KCNJ1: variants seen among roughly 807,000 people sequenced by gnomAD.
KCNJ1 encodes ATP-sensitive inward rectifier potassium channel 1.
In KCNJ1, 24 loss-of-function variants were observed where a neutral mutation model predicts 21.9. The observed-to-expected ratio is 1.10, with a 90% CI of 0.79 to 1.54. The LOEUF (loss-of-function observed/expected upper bound fraction) is 1.54, where lower values mean the gene tolerates loss of function less well. KCNJ1 is among the 40% of genes most tolerant of loss of function. The pLI, the probability that KCNJ1 is intolerant of heterozygous loss-of-function variation, is 0.00. For synonymous variants in KCNJ1, 152 were observed against 160.9 expected (o/e 0.94, Z 0.42); for missense variants, 457 against 455.4 (o/e 1.00, Z -0.03).
chr11:128,856,119 C>T (rs887010596), intron 1 of KCNJ1, among the ~76,000 whole-genome samples: 13 of 152,194 alleles, frequency 8.5e-5, no homozygotes, highest in African/African-American at 3.1e-4. Flanking sequence ...TTTCAAGGGG[C>T]CTGTCAGAAG....
intron 1 of KCNJ1, among the ~76,000 whole-genome samples, chr11:128,862,081 G>A (rs560551593): frequency 5.3e-5 from 8 of 152,236 alleles, no homozygotes; most frequent in African/African-American, 1.9e-4. Context: ...TTGCTGCAGT[G>A]CCATCCTCCC....
Position 128,839,813 on chromosome 11 carries a change from T to G in KCNJ1, c.431A>C (p.Gln144Pro), listed in dbSNP as rs1258984486. 1 of 1,614,098 alleles carries G rather than the reference T, an allele frequency of 6.2e-7. No homozygotes were observed. The highest frequency in any genetic ancestry group is 8.5e-7 in the Non-Finnish European group (1 of 1,180,008). Reference sequence around the variant, plus strand: ...ATTGATTATAACTCCAAGTATAGACTGAAAGATAAGCAGAAAAATGGCAGT... The same window carrying G: ...ATTGATTATAACTCCAAGTATAGACGGAAAGATAAGCAGAAAAATGGCAGT... ...CATAIFLLIFQSILGVIINSF... is the reference protein window; with the variant it reads ...CATAIFLLIFPSILGVIINSF... Residue 144 changes from glutamine (Q) to proline (P), a missense_variant, in exon 3 of 3, where the codon CAG becomes CCG. Gln to Pro is a moderately conservative substitution (Grantham distance 76). Transcript: ENST00000392666.
In KCNJ1 at chr11:128,840,277, C is replaced by T. The variant is rs1344529796; in HGVS notation, c.-21-13G>A. 1.2e-6 allele frequency: 2 copies of T among 1,612,860 alleles called. No homozygotes were observed. Among genetic ancestry groups the T allele is most frequent in the Non-Finnish European group, 1.7e-6 (2 of 1,179,226 alleles). On this transcript the variant is annotated splice_polypyrimidine_tract_variant and intron_variant, in intron 2 of 2. Transcript: ENST00000392666. Reference sequence around the variant, plus strand: ...TCAACACCCTGATCTGAAAACACATCAAAGAAAAACAAAAAAGGATTATGT... The same window carrying T: ...TCAACACCCTGATCTGAAAACACATTAAAGAAAAACAAAAAAGGATTATGT...
Position 128,838,571 on chromosome 11 carries a change from C to A in KCNJ1, c.*554G>T, listed in dbSNP as rs976210091. ...TGTGCAGATTTAGCCTCTGTCTAAA[C>A]GTACCACATGAGAAGCTTAGAGCCT... is the stretch of plus-strand genomic sequence containing the variant. On this transcript the variant is annotated 3_prime_UTR_variant, in exon 3 of 3. Transcript: ENST00000392666. 1 of 159,324 alleles carries A rather than the reference C, an allele frequency of 6.3e-6. No homozygotes were observed. Among genetic ancestry groups the A allele is most frequent in the Admixed American group, 6.1e-5 (1 of 16,358 alleles). The allele number at this position is 159,324 out of a possible 1,614,324, so 9.9% of individuals were successfully genotyped here.
chr11:128,859,309 C>T (rs1943653181), intron 1 of KCNJ1, among the ~76,000 whole-genome samples: 1 of 152,226 alleles, frequency 6.6e-6, no homozygotes, highest in South Asian at 2.1e-4. Context: ...GGCTGGAGTG[C>T]AGTGGCACAA....
rs1943227395 is a variant in KCNJ1, at chr11:128,839,335, G to A, written c.909C>T (p.Gly303=). The A allele has an allele frequency of 6.2e-7, 1 of 1,614,150 alleles. No homozygotes were observed. The change falls in exon 3 of 3, where the codon GGC becomes GGT. Residue 303 remains glycine (G), a synonymous_variant. Coordinates refer to ENST00000392666, the MANE Select transcript of KCNJ1 (RefSeq NM_153766.3). ...TGGATACTATGGGAGCAAAACGGTA[G>A]CCCCAAAGCACCTCCTCTGGGACAT... ...TSYVPEEVLW[G]YRFAPIVSKT... is the part of the protein sequence containing the mutation.
At chr11:128,846,976 T>C (rs1044391152) in intron 2 of KCNJ1, among the ~76,000 whole-genome samples, 15 of 152,040 alleles carry the variant, frequency 9.9e-5, no homozygotes, top group African/African-American at 3.4e-4. Flanking sequence ...AACACAAACA[T>C]TGTCCAAGCC....
At chr11:128,860,165 C>T (rs915197298) in intron 1 of KCNJ1, among the ~76,000 whole-genome samples, 4 of 152,372 alleles carry the variant, frequency 2.6e-5, no homozygotes, top group African/African-American at 9.6e-5. Context: ...GACAATGATG[C>T]TATCTACTTC....
chr11:128,843,065 T>A (rs1468242249), intron 2 of KCNJ1, among the ~76,000 whole-genome samples: 1 of 152,222 alleles, frequency 6.6e-6, no homozygotes. Flanking sequence ...ACTGAAGGTG[T>A]TTTTTACATG....
chr11:128,858,485 G>T (rs2135957792), intron 1 of KCNJ1, among the ~76,000 whole-genome samples: 1 of 152,262 alleles, frequency 6.6e-6, no homozygotes. Context: ...ATGAAAAATG[G>T]GAAGGGCACA....
At chr11:128,861,015 G>A (rs867575377) in intron 1 of KCNJ1, among the ~76,000 whole-genome samples, 8 of 152,252 alleles carry the variant, frequency 5.3e-5, no homozygotes, top group African/African-American at 1.9e-4. Flanking sequence ...AGGCAGCACT[G>A]GCATCTGCCT....
At chr11:128,842,857 T>C (rs544960866) in intron 2 of KCNJ1, among the ~76,000 whole-genome samples, 12 of 152,130 alleles carry the variant, frequency 7.9e-5, no homozygotes, top group Non-Finnish European at 1.6e-4. Flanking sequence ...CCCACTGAAA[T>C]ACTGAGTTTT....
chr11:128,845,226 C>A (rs619399), intron 2 of KCNJ1, among the ~76,000 whole-genome samples: 18,709 of 152,132 alleles, frequency 0.12, 1,350 homozygotes, highest in South Asian at 0.29. Flanking sequence ...TGCTAGGAAA[C>A]AATGCAAGGT....
intron 1 of KCNJ1, among the ~76,000 whole-genome samples, chr11:128,862,764 A>C (rs904307352): frequency 6.6e-6 from 1 of 152,204 alleles, no homozygotes; most frequent in Non-Finnish European, 1.5e-5. Context: ...TCTGAACCCG[A>C]TTCAAGCTCC....
chr11:128,856,969 G>T (rs554918602), intron 1 of KCNJ1, among the ~76,000 whole-genome samples: 1 of 152,264 alleles, frequency 6.6e-6, no homozygotes, highest in African/African-American at 2.4e-5. Flanking sequence ...CTGCTGCCTT[G>T]CTGAGACCTT....
At chr11:128,852,980 C>CT (rs1943503969) in intron 1 of KCNJ1, among the ~76,000 whole-genome samples, 1 of 152,228 alleles carries the variant, frequency 6.6e-6, no homozygotes, top group Non-Finnish European at 1.5e-5. Context: ...TTCCTTGTTT[C>CT]TTTTCACTCA....
At chr11:128,846,761 G>A (rs1425972777) in intron 2 of KCNJ1, among the ~76,000 whole-genome samples, 4 of 152,118 alleles carry the variant, frequency 2.6e-5, no homozygotes, top group African/African-American at 9.7e-5. Flanking sequence ...GGATTAACTA[G>A]GATTGGATCT....
intron 1 of KCNJ1, among the ~76,000 whole-genome samples, chr11:128,853,836 G>A (rs1943524345): frequency 6.6e-6 from 1 of 152,196 alleles, no homozygotes; most frequent in Admixed American, 6.5e-5. Context: ...CTGTGCTCCT[G>A]AAGGCACCAC....
chr11:128,844,022 G>C (rs1443958995), intron 2 of KCNJ1, among the ~76,000 whole-genome samples: 1 of 152,210 alleles, frequency 6.6e-6, no homozygotes, highest in Non-Finnish European at 1.5e-5. Flanking sequence ...CTGAGGCCAA[G>C]CCCTGAAGAT....
Sources: allele counts gnomAD v4.1 joint callset (sites outside exome capture counted in the v4.1 genomes callset), GRCh38; gene constraint gnomAD v4.1.1; transcripts MANE v1.5; gene names NCBI Gene and HGNC (gene_info 2026-07-23, HGNC 2026-07-21).